Variants in DACH2 observed in about 807,000 individuals in gnomAD.
The protein encoded by DACH2 is dachshund homolog 2.
Under a neutral mutation model 35.8 loss-of-function variants are expected in DACH2, and 17 were observed. That is an observed-to-expected ratio of 0.48 (90% confidence interval 0.33 to 0.71). DACH2 has a LOEUF of 0.71. Ranked by LOEUF, DACH2 falls within the 30% of genes least tolerant of loss-of-function variation. The pLI is 0.02. For missense variants in DACH2, 469 were observed against 472.7 expected (o/e 0.99, Z 0.07); for synonymous variants, 195 against 177.3 (o/e 1.10, Z -0.79).
rs1199418872 is a variant in DACH2, at chrX:86,715,817, G to GTT, written c.1104+1097_1104+1098insTT. Among the ~76,000 whole-genome samples, 41 of 110,925 alleles carry GTT rather than the reference G, an allele frequency of 3.7e-4. No homozygotes were observed. In the South Asian group the frequency reaches 6.8e-3, roughly 18 times the overall value. Reference sequence around the variant, plus strand: ...CTACCTTTAAGAAGAGAGGAGGCAGGGATCTGGGAAGGCATTATAGTTGAT... The same window carrying GTT: ...CTACCTTTAAGAAGAGAGGAGGCAGGTTGATCTGGGAAGGCATTATAGTTGAT... On this transcript the variant is annotated intron_variant, in intron 6 of 11. Transcript: ENST00000373125.
At chrX:86,600,812 T>G (rs2039779966) in intron 3 of DACH2, among the ~76,000 whole-genome samples, 1 of 111,411 alleles carries the variant, frequency 9.0e-6, no homozygotes, top group Non-Finnish European at 1.9e-5. Context: ...GCCGGATGCT[T>G]GAGACTTAGT....
Position 86,735,394 on chromosome X carries a change from G to T in DACH2, c.1105-4353G>T, listed in dbSNP as rs766776655. Among the ~76,000 whole-genome samples the T allele has an allele frequency of 8.1e-5, 9 of 111,687 alleles. No individual in the cohort carries two copies. In the East Asian group the frequency reaches 2.2e-3, roughly 28 times the overall value. On this transcript the variant is annotated intron_variant, in intron 6 of 11. Transcript: ENST00000373125. ...TAAAAAACTAAATTTTCTAAACATT[G>T]TCCCATTCTTTATGAAGGTTCAAAT...
chrX:86,780,713 T>C (rs2042081252), intron 7 of DACH2, among the ~76,000 whole-genome samples: 1 of 111,442 alleles, frequency 9.0e-6, no homozygotes, highest in African/African-American at 3.3e-5. Flanking sequence ...GCAGTTCTTT[T>C]CGAGTGTAGC....
chrX:86,483,798 C>A (rs762149993), intron 2 of DACH2, among the ~76,000 whole-genome samples: 6 of 104,659 alleles, frequency 5.7e-5, no homozygotes, highest in Non-Finnish European at 9.7e-5. Flanking sequence ...TGTCACTGTA[C>A]CCCAGCCTCA....
At chrX:86,702,189 A>T (rs1317334078) in intron 5 of DACH2, among the ~76,000 whole-genome samples, 1 of 111,928 alleles carries the variant, frequency 8.9e-6, no homozygotes, top group Non-Finnish European at 1.9e-5. Context: ...TTTGACAATA[A>T]AATCAAGATG....
intron 4 of DACH2, among the ~76,000 whole-genome samples, chrX:86,661,757 T>A (rs11797332): frequency 5.4e-5 from 6 of 110,815 alleles, no homozygotes; most frequent in African/African-American, 2.0e-4. Flanking sequence ...TGAAGAAATG[T>A]CAAACATTTT....
chrX:86,154,526 A>G (rs2030478472), intron 1 of DACH2, among the ~76,000 whole-genome samples: 1 of 111,575 alleles, frequency 9.0e-6, no homozygotes, highest in Non-Finnish European at 1.9e-5. Flanking sequence ...ACATTTAAAC[A>G]CATTTGCTTT....
At chrX:86,565,605 G>T (rs1461153014) in intron 3 of DACH2, among the ~76,000 whole-genome samples, 1 of 111,231 alleles carries the variant, frequency 9.0e-6, no homozygotes, top group Non-Finnish European at 1.9e-5. Flanking sequence ...TCTTCATCTG[G>T]CCGTTTATAG....
chrX:86,637,589 T>G (rs956829350), intron 3 of DACH2, among the ~76,000 whole-genome samples: 19 of 111,616 alleles, frequency 1.7e-4, no homozygotes, highest in African/African-American at 6.2e-4. Flanking sequence ...GTGGATGGAT[T>G]TGCAGACCAT....
chrX:86,179,023 C>A (rs937471022), intron 1 of DACH2, among the ~76,000 whole-genome samples: 1 of 111,879 alleles, frequency 8.9e-6, no homozygotes, highest in Non-Finnish European at 1.9e-5. Flanking sequence ...GCTGATATGG[C>A]AGCTGGTAGG....
chrX:86,338,961 T>C (rs978232628), intron 1 of DACH2, among the ~76,000 whole-genome samples: 1 of 111,335 alleles, frequency 9.0e-6, no homozygotes, highest in Admixed American at 9.5e-5. Flanking sequence ...AACTAGAAAA[T>C]CTAGAAGAAA....
intron 5 of DACH2, among the ~76,000 whole-genome samples, chrX:86,695,402 G>A (rs942726461): frequency 1.8e-5 from 2 of 110,078 alleles, no homozygotes; most frequent in Non-Finnish European, 3.8e-5. Context: ...TGGGAGGTAC[G>A]TGGAAAGTAG....
chrX:86,452,528 C>G (rs781501088), intron 2 of DACH2, among the ~76,000 whole-genome samples: 8 of 111,081 alleles, frequency 7.2e-5, no homozygotes, highest in Middle Eastern at 4.7e-3. Context: ...TGCAGTGATT[C>G]ATTTTCTTCC....
intron 2 of DACH2, among the ~76,000 whole-genome samples, chrX:86,483,371 CTTTT>C (rs2037972452): frequency 9.0e-6 from 1 of 111,217 alleles, no homozygotes. Flanking sequence ...TTGCCTCTTT[CTTTT>C]TATTATATGT....
chrX:86,470,510 T>C (rs1040845367), intron 2 of DACH2, among the ~76,000 whole-genome samples: 2 of 111,529 alleles, frequency 1.8e-5, no homozygotes, highest in African/African-American at 6.5e-5. Context: ...TCATTAGATA[T>C]GGAATATAAG....
At chrX:86,270,135 A>G (rs1403027068) in intron 1 of DACH2, among the ~76,000 whole-genome samples, 1 of 106,480 alleles carries the variant, frequency 9.4e-6, no homozygotes, top group Non-Finnish European at 1.9e-5. Flanking sequence ...GGGTGGGGAT[A>G]CATGCAGATT....
chrX:86,205,505 C>CTTCG (rs2032283383), intron 1 of DACH2, among the ~76,000 whole-genome samples: 1 of 73,283 alleles, frequency 1.4e-5, no homozygotes, highest in Non-Finnish European at 2.5e-5. Context: ...TCCTTCCTTC[C>CTTCG]TTCCTTCCTT....
intron 4 of DACH2, among the ~76,000 whole-genome samples, chrX:86,680,390 C>A (rs1336414251): frequency 9.0e-6 from 1 of 111,238 alleles, no homozygotes; most frequent in Non-Finnish European, 1.9e-5. Flanking sequence ...TAAGTTAATC[C>A]AATGTTTGAT....
chrX:86,667,538 A>AAAGAAAGAAAGAAAGAAAG, intron 4 of DACH2, among the ~76,000 whole-genome samples: 1 of 50,581 alleles, frequency 2.0e-5, no homozygotes, highest in South Asian at 8.5e-4. Context: ...AGAAAGAAAG[A>AAAGAAAGAAAGAAAGAAAG]AAGAAAGAAG....
Sources: allele counts gnomAD v4.1 joint callset (sites outside exome capture counted in the v4.1 genomes callset), GRCh38; gene constraint gnomAD v4.1.1; transcripts MANE v1.5; gene names NCBI Gene and HGNC (gene_info 2026-07-23, HGNC 2026-07-21).